Variants in AGBL4 observed in about 807,000 individuals in gnomAD.
AGBL4 encodes the protein AGBL carboxypeptidase 4.
Under a neutral mutation model 66.4 loss-of-function variants are expected in AGBL4, and 58 were observed. The observed-to-expected ratio is 0.87, with a 90% CI of 0.71 to 1.09. The LOEUF is 1.09. AGBL4 is among the 50% of genes least tolerant of loss of function. AGBL4 has a pLI of 0.00. For synonymous variants in AGBL4, 234 were observed against 222.9 expected (o/e 1.05, Z -0.44); for missense variants, 579 against 631.0 (o/e 0.92, Z 0.88).
intron 9 of AGBL4, among the ~76,000 whole-genome samples, chr1:48,605,567 T>A (rs1645142597): frequency 6.6e-6 from 1 of 152,230 alleles, no homozygotes; most frequent in African/African-American, 2.4e-5. Context: ...CCTATTTCAC[T>A]GTTTCATTAT....
chr1:48,642,184 GC>G (rs1645767216), intron 8 of AGBL4, among the ~76,000 whole-genome samples: 1 of 152,094 alleles, frequency 6.6e-6, no homozygotes, highest in Non-Finnish European at 1.5e-5. Flanking sequence ...ACTTGGATGT[GC>G]CCAAGGTTTA....
intron 3 of AGBL4, among the ~76,000 whole-genome samples, chr1:49,598,491 G>A (rs1237305450): frequency 6.6e-6 from 1 of 152,226 alleles, no homozygotes; most frequent in Non-Finnish European, 1.5e-5. Context: ...TCCAGACCCT[G>A]TTTGCCTGGG....
chr1:49,460,354 C>T (rs1383817949), intron 3 of AGBL4, among the ~76,000 whole-genome samples: 1 of 151,522 alleles, frequency 6.6e-6, no homozygotes, highest in Non-Finnish European at 1.5e-5. Flanking sequence ...CCCTCTTTGC[C>T]TTCTTTAACT....
At chr1:49,145,225 C>A (rs1646195213) in intron 4 of AGBL4, among the ~76,000 whole-genome samples, 1 of 152,134 alleles carries the variant, frequency 6.6e-6, no homozygotes, top group Non-Finnish European at 1.5e-5. Flanking sequence ...TCTAATCTCA[C>A]ATCATTCTCT....
intron 6 of AGBL4, among the ~76,000 whole-genome samples, chr1:48,686,844 A>C (rs529788390): frequency 1.3e-5 from 2 of 152,364 alleles, no homozygotes; most frequent in South Asian, 4.1e-4. Context: ...GGGCCTAGTC[A>C]GTGCCCAGAC....
chr1:49,863,642 A>G (rs1646629732), intron 1 of AGBL4, among the ~76,000 whole-genome samples: 2 of 152,352 alleles, frequency 1.3e-5, no homozygotes, highest in South Asian at 2.1e-4. Context: ...GGCATTTTGG[A>G]AAAGAAGACA....
chr1:48,586,712 C>T (rs1644826240), intron 11 of AGBL4: 2 of 363,352 alleles, frequency 5.5e-6, no homozygotes, highest in East Asian at 1.1e-4. Context: ...AGACTCACTG[C>T]ATCATGAGAG....
intron 4 of AGBL4, among the ~76,000 whole-genome samples, chr1:49,184,759 T>C (rs1646985446): frequency 6.6e-6 from 1 of 152,214 alleles, no homozygotes. Context: ...ACATGGGTTT[T>C]TGCAATCAGG....
intron 3 of AGBL4, among the ~76,000 whole-genome samples, chr1:49,581,118 C>G (rs186644639): frequency 6.6e-4 from 101 of 151,956 alleles, no homozygotes; most frequent in African/African-American, 2.4e-3. Flanking sequence ...CTTTCTTCTG[C>G]TTGGTTTGGT....
intron 5 of AGBL4, among the ~76,000 whole-genome samples, chr1:48,962,681 G>A (rs559460262): frequency 6.6e-6 from 1 of 152,308 alleles, no homozygotes; most frequent in African/African-American, 2.4e-5. Flanking sequence ...CTGTGCATAG[G>A]CCTGCACTTG....
At chr1:49,786,829 T>C (rs1007929055) in intron 2 of AGBL4, among the ~76,000 whole-genome samples, 1 of 152,292 alleles carries the variant, frequency 6.6e-6, no homozygotes, top group Admixed American at 6.5e-5. Context: ...TGCTTAGAAA[T>C]TTCCTCAGCT....
chr1:49,705,915 G>C (rs754974005), intron 2 of AGBL4, among the ~76,000 whole-genome samples: 2 of 152,122 alleles, frequency 1.3e-5, no homozygotes, highest in African/African-American at 4.8e-5. Context: ...TGGCAGATAG[G>C]CTTTTCAATG....
chr1:49,181,654 A>C (rs1407705275), intron 4 of AGBL4, among the ~76,000 whole-genome samples: 2 of 152,218 alleles, frequency 1.3e-5, no homozygotes, highest in African/African-American at 4.8e-5. Context: ...GAACTCATCC[A>C]AGTGTGTCTC....
intron 8 of AGBL4, among the ~76,000 whole-genome samples, chr1:48,637,773 C>T (rs1019411507): frequency 7.9e-5 from 12 of 152,156 alleles, no homozygotes; most frequent in African/African-American, 2.9e-4. Flanking sequence ...GCTTAAGTGG[C>T]TAGAGTCAGT....
rs117188257 is a variant in AGBL4, at chr1:49,677,225, T to C, written c.282+20088A>G. Among the ~76,000 whole-genome samples, 1,200 of 152,216 alleles carry C rather than the reference T, an allele frequency of 7.9e-3. 8 individuals carry two copies. The highest frequency in any genetic ancestry group is 0.031 in the Middle Eastern group (9 of 294). ...GAGAAGAACTACATCTTTATTCTTA[T>C]ATCTTTATAATCTCTGTAACCCCAA... On this transcript the variant is annotated intron_variant, in intron 3 of 13. Transcript: ENST00000371839.
chr1:48,814,635 C>T (rs1646133586), intron 6 of AGBL4, among the ~76,000 whole-genome samples: 1 of 144,830 alleles, frequency 6.9e-6, no homozygotes. Flanking sequence ...TTTTAGCATC[C>T]ACATATGAGT....
chr1:49,401,108 T>C (rs961251803), intron 3 of AGBL4, among the ~76,000 whole-genome samples: 4 of 152,186 alleles, frequency 2.6e-5, no homozygotes, highest in Non-Finnish European at 5.9e-5. Flanking sequence ...CTGGGTAATT[T>C]ATAAAGAAAA....
At chr1:49,252,881 C>T (rs2148341207) in intron 3 of AGBL4, among the ~76,000 whole-genome samples, 1 of 152,232 alleles carries the variant, frequency 6.6e-6, no homozygotes, top group East Asian at 1.9e-4. Flanking sequence ...TACTACCAGA[C>T]CTGCCTTATG....
At chr1:49,936,696 G>A (rs889236823) in intron 1 of AGBL4, among the ~76,000 whole-genome samples, 1 of 152,290 alleles carries the variant, frequency 6.6e-6, no homozygotes, top group Non-Finnish European at 1.5e-5. Flanking sequence ...CATTCTTAAG[G>A]AAAAGAATTT....
Sources: allele counts gnomAD v4.1 joint callset (sites outside exome capture counted in the v4.1 genomes callset), GRCh38; gene constraint gnomAD v4.1.1; transcripts MANE v1.5; gene names NCBI Gene and HGNC (gene_info 2026-07-23, HGNC 2026-07-21).